CMC2: variants seen among roughly 807,000 people sequenced by gnomAD.
CMC2 encodes COX assembly mitochondrial protein 2 homolog.
In CMC2, 5 loss-of-function variants were observed where a neutral mutation model predicts 7.5. That is an observed-to-expected ratio of 0.66 (90% confidence interval 0.35 to 1.40). The LOEUF is 1.40. Ranked by LOEUF, CMC2 falls within the 40% of genes most tolerant of loss-of-function variation. The probability of loss-of-function intolerance (pLI) is 0.04; values close to 1 mark genes in which losing one functional copy is unlikely to be tolerated. For synonymous variants in CMC2, 37 were observed against 31.4 expected (o/e 1.18, Z -0.60); for missense variants, 115 against 92.3 (o/e 1.25, Z -1.01).
intron 2 of CMC2, 34 bp downstream of exon 2, chr16:80,997,280 T>C (rs746275958): frequency 2.5e-6 from 3 of 1,184,108 alleles, no homozygotes; most frequent in East Asian, 2.3e-5. Flanking sequence ...CTAAGTTTCA[T>C]TTTGGCTGTA....
rs1597203385 is a variant in CMC2, at chr16:80,974,688, T to C, written c.*1405A>G. 1 of 152,244 alleles carries C rather than the reference T, an allele frequency of 6.6e-6. No individual in the cohort carries two copies. The highest frequency in any genetic ancestry group is 6.5e-5 in the Admixed American group (1 of 15,284). 9.4% of individuals were successfully genotyped at this position (152,244 alleles called of 1,614,324 possible). On this transcript the variant is annotated 3_prime_UTR_variant, in exon 4 of 4. Coordinates refer to ENST00000219400, the MANE Select transcript of CMC2 (RefSeq NM_020188.5). The stretch of plus-strand genomic sequence containing the variant: ...CATCTACCTAATCATGGCACTTTGA[T>C]GATTACAGGTGACTAAAAGTCAACT...
At chr16:80,990,566 G>C (rs1967905259) in intron 2 of CMC2, among the ~76,000 whole-genome samples, 1 of 152,276 alleles carries the variant, frequency 6.6e-6, no homozygotes, top group Non-Finnish European at 1.5e-5. Flanking sequence ...TGGTTATCTT[G>C]TTTCTTTTTG....
At position 80,966,749 on chromosome 16, in the gene CMC2, C is replaced by T. The variant is rs1028464315; in HGVS notation, c.*9344G>A. The T allele has an allele frequency of 2.0e-5, 3 of 152,050 alleles. No individual in the cohort carries two copies. Among genetic ancestry groups the T allele is most frequent in the Non-Finnish European group, 4.4e-5 (3 of 68,008 alleles). 9.4% of individuals were successfully genotyped at this position (152,050 alleles called of 1,614,324 possible). On this transcript the variant is annotated 3_prime_UTR_variant, in exon 4 of 4. Transcript: ENST00000219400. ...TTATAAAATCAACTTGACATGTACT[C>T]GAGTTATTTGTTTCAGCTTGTTTTC...
intron 2 of CMC2, chr16:80,983,376 A>G (rs1291456310): frequency 1.3e-5 from 2 of 152,260 alleles, no homozygotes; most frequent in African/African-American, 4.8e-5. Flanking sequence ...ATGTTCTGCA[A>G]GTAGAAACAA....
In CMC2 at chr16:80,971,562, T is replaced by TATATATATATATATATATA. The variant is rs1555512297; in HGVS notation, c.*4530_*4531insTATATATATATATATATAT. 23 of 76,012 alleles carry TATATATATATATATATATA rather than the reference T, an allele frequency of 3.0e-4. No homozygotes were observed. The highest frequency in any genetic ancestry group is 2.1e-3 in the East Asian group (5 of 2,384). 4.7% of individuals were successfully genotyped at this position (76,012 alleles called of 1,614,324 possible). ...GGCTATGGATACTGACATACATACATTTTATATATATATATATATATATGT... is the reference window on the plus strand; with the variant it reads ...GGCTATGGATACTGACATACATACATATATATATATATATATATATTTATATATATATATATATATATGT... On this transcript the variant is annotated 3_prime_UTR_variant, in exon 4 of 4. Coordinates refer to ENST00000219400, the MANE Select transcript of CMC2 (RefSeq NM_020188.5).
intron 3 of CMC2, chr16:80,978,363 A>T: frequency 7.9e-7 from 1 of 1,267,570 alleles, no homozygotes; most frequent in Non-Finnish European, 1.0e-6. Context: ...AAATTAAAAT[A>T]TAGTCTACAT....
chr16:80,995,650 C>T (rs1968359619), intron 2 of CMC2, among the ~76,000 whole-genome samples: 1 of 152,144 alleles, frequency 6.6e-6, no homozygotes, highest in Non-Finnish European at 1.5e-5. Context: ...GAGTGAGACT[C>T]CATCTCAAAA....
intron 2 of CMC2, among the ~76,000 whole-genome samples, chr16:80,995,611 C>G (rs554308568): frequency 2.0e-5 from 3 of 152,082 alleles, no homozygotes; most frequent in Non-Finnish European, 4.4e-5. Flanking sequence ...GAGCCAAGAT[C>G]GCGCCACTAC....
chr16:80,995,104 C>T (rs1968304358), intron 2 of CMC2, among the ~76,000 whole-genome samples: 1 of 152,028 alleles, frequency 6.6e-6, no homozygotes, highest in African/African-American at 2.4e-5. Context: ...CAAGATTGGG[C>T]CCCTGCACTC....
At chr16:80,985,292 A>G (rs1291095700) in intron 2 of CMC2, among the ~76,000 whole-genome samples, 1 of 152,172 alleles carries the variant, frequency 6.6e-6, no homozygotes, top group Non-Finnish European at 1.5e-5. Flanking sequence ...ATCCTCCCAC[A>G]AGGGTATAGC....
intron 2 of CMC2, among the ~76,000 whole-genome samples, chr16:80,996,640 C>T (rs1968438102): frequency 6.6e-6 from 1 of 152,098 alleles, no homozygotes; most frequent in Non-Finnish European, 1.5e-5. Flanking sequence ...TTTGATATAT[C>T]TACAGTTTGT....
At chr16:80,995,044 G>T (rs1968296694) in intron 2 of CMC2, among the ~76,000 whole-genome samples, 1 of 152,132 alleles carries the variant, frequency 6.6e-6, no homozygotes, top group Non-Finnish European at 1.5e-5. Context: ...TCCTCAAGAG[G>T]CTGAGGCAGG....
chr16:80,991,943 A>G (rs1428762282), intron 2 of CMC2: 2 of 455,688 alleles, frequency 4.4e-6, no homozygotes, highest in Non-Finnish European at 8.8e-6. Flanking sequence ...TGTAATGTGT[A>G]TCCTGGACGG....
At chr16:80,984,470 G>A (rs1416481669) in intron 2 of CMC2, among the ~76,000 whole-genome samples, 1 of 152,092 alleles carries the variant, frequency 6.6e-6, no homozygotes, top group Non-Finnish European at 1.5e-5. Context: ...TGAATAAGTG[G>A]TCAGTTTTTC....
At chr16:80,979,645 G>A (rs1288821089) in intron 3 of CMC2, among the ~76,000 whole-genome samples, 1 of 151,710 alleles carries the variant, frequency 6.6e-6, no homozygotes, top group African/African-American at 2.4e-5. Flanking sequence ...TAGAGACAGA[G>A]TCTCTCACTC....
At chr16:80,994,696 G>T (rs557341936) in intron 2 of CMC2, among the ~76,000 whole-genome samples, 1 of 152,296 alleles carries the variant, frequency 6.6e-6, no homozygotes, top group Admixed American at 6.5e-5. Flanking sequence ...ATAATATTAG[G>T]CAGTGGTGAT....
intron 2 of CMC2, among the ~76,000 whole-genome samples, chr16:80,984,393 T>C (rs1449233892): frequency 6.6e-6 from 1 of 152,222 alleles, no homozygotes; most frequent in Non-Finnish European, 1.5e-5. Flanking sequence ...ATTAATAAGC[T>C]ATGCCTCATG....
Position 80,968,604 on chromosome 16 carries a change from A to G in CMC2, c.*7489T>C, listed in dbSNP as rs1304913326. 6.6e-6 allele frequency: 1 copy of G among 152,186 alleles called. No homozygotes were observed. Among genetic ancestry groups the G allele is most frequent in the African/African-American group, 2.4e-5 (1 of 41,428 alleles). The allele number at this position is 152,186 out of a possible 1,614,324, so 9.4% of individuals were successfully genotyped here. A position where few individuals can be genotyped will look rare whatever the true frequency, so the allele number is the denominator to read the frequency against. The stretch of plus-strand genomic sequence containing the variant: ...TCATTCCTAGGGGGCAGTCTTTCCA[A>G]GGTAAAATTTTATGTACAGGATATC... On this transcript the variant is annotated 3_prime_UTR_variant, in exon 4 of 4. Coordinates refer to ENST00000219400, the MANE Select transcript of CMC2 (RefSeq NM_020188.5).
intron 3 of CMC2, among the ~76,000 whole-genome samples, chr16:80,979,979 G>A (rs892363534): frequency 6.6e-6 from 1 of 150,784 alleles, no homozygotes; most frequent in Admixed American, 6.6e-5. Flanking sequence ...GCACTGTGGC[G>A]ACCTAGATAG....
Sources: gnomAD v4.1 joint callset for allele counts (sites outside exome capture counted in the v4.1 genomes callset) on GRCh38, gnomAD v4.1.1 for gene constraint, MANE v1.5 for transcripts, NCBI Gene and HGNC (gene_info 2026-07-23, HGNC 2026-07-21) for gene names.